The following GAREM1 variants were observed in gnomAD, a reference collection of about 807,000 sequenced individuals.
GAREM1 encodes GRB2-associated and regulator of MAPK protein 1.
A neutral mutation model predicts 71.3 loss-of-function variants in GAREM1; 26 were observed. The ratio of observed to expected loss-of-function variants is 0.36; its 90% CI spans 0.27 to 0.51. The LOEUF (loss-of-function observed/expected upper bound fraction) is 0.51, where lower values mean the gene tolerates loss of function less well. Among genes scored for constraint, GAREM1 ranks in the 20% least tolerant of loss-of-function variants. The pLI, the probability that GAREM1 is intolerant of heterozygous loss-of-function variation, is 0.95. For synonymous variants in GAREM1, 440 were observed against 433.2 expected, an observed-to-expected ratio of 1.02 and a Z score of -0.20; for missense variants, 1,026 against 1,103.1, an observed-to-expected ratio of 0.93 and a Z score of 0.99.
At chr18:32,344,661 C>A (rs547778718) in intron 2 of GAREM1, among the ~76,000 whole-genome samples, 2 of 152,210 alleles carry the variant, frequency 1.3e-5, no homozygotes, top group African/African-American at 4.8e-5. Context: ...GTACAAAAAA[C>A]AATTTTCAAA....
chr18:32,309,615 C>CAAAAAAAAAA (rs11370938), intron 3 of GAREM1, among the ~76,000 whole-genome samples: 9 of 13,862 alleles, frequency 6.5e-4, no homozygotes, highest in African/African-American at 9.0e-4. Context: ...GACTCAGTCT[C>CAAAAAAAAAA]AAAAAAAAAA....
intron 4 of GAREM1, among the ~76,000 whole-genome samples, chr18:32,282,053 C>T (rs1402347696): frequency 6.6e-6 from 1 of 152,108 alleles, no homozygotes; most frequent in East Asian, 1.9e-4. Flanking sequence ...AGAGGACAAC[C>T]CCCTTTTCCA....
intron 2 of GAREM1, among the ~76,000 whole-genome samples, chr18:32,344,087 G>C (rs966277387): frequency 3.0e-4 from 45 of 152,194 alleles, no homozygotes; most frequent in African/African-American, 1.0e-3. Context: ...AGGAAGTCTT[G>C]GAAATGCCCA....
At chr18:32,332,122 T>G (rs1256536312) in intron 2 of GAREM1, among the ~76,000 whole-genome samples, 1 of 151,730 alleles carries the variant, frequency 6.6e-6, no homozygotes, top group East Asian at 1.9e-4. Flanking sequence ...CCTCCCTTTT[T>G]GGAGTGCTAA....
chr18:32,343,584 A>G (rs2047668391), intron 2 of GAREM1, among the ~76,000 whole-genome samples: 1 of 152,172 alleles, frequency 6.6e-6, no homozygotes, highest in African/African-American at 2.4e-5. Context: ...TACAGGCATA[A>G]GCCACTGTGC....
intron 2 of GAREM1, among the ~76,000 whole-genome samples, chr18:32,313,909 G>A (rs1166580296): frequency 6.6e-6 from 1 of 152,070 alleles, no homozygotes; most frequent in Non-Finnish European, 1.5e-5. Context: ...GGTTTTGCTG[G>A]TGAGGGACCA....
chr18:32,440,888 A>G (rs1240771780), intron 1 of GAREM1, among the ~76,000 whole-genome samples: 23 of 152,360 alleles, frequency 1.5e-4, no homozygotes, highest in Admixed American at 1.4e-3. Context: ...TATTTCACAT[A>G]TACATTTTTG....
chr18:32,302,633 C>G (rs1180913044), intron 3 of GAREM1, among the ~76,000 whole-genome samples: 2 of 152,088 alleles, frequency 1.3e-5, no homozygotes, highest in African/African-American at 4.8e-5. Context: ...ACCACATGGT[C>G]TCATTTATAT....
chr18:32,381,217 T>C (rs887484326), intron 2 of GAREM1, among the ~76,000 whole-genome samples: 9 of 152,276 alleles, frequency 5.9e-5, no homozygotes, highest in African/African-American at 2.2e-4. Context: ...AAGGACATTC[T>C]TGCCATCTAG....
intron 2 of GAREM1, among the ~76,000 whole-genome samples, chr18:32,390,468 T>C (rs2048184995): frequency 6.6e-6 from 1 of 152,208 alleles, no homozygotes; most frequent in African/African-American, 2.4e-5. Flanking sequence ...CATGAACTAT[T>C]TGGTCCTATT....
intron 2 of GAREM1, among the ~76,000 whole-genome samples, chr18:32,350,587 A>G (rs1444275378): frequency 2.0e-5 from 3 of 152,124 alleles, no homozygotes; most frequent in Non-Finnish European, 4.4e-5. Flanking sequence ...TTCAGACTAA[A>G]AACAAGACCC....
chr18:32,373,776 AGTGGACCAGATCTACTGCCAATG>A (rs1203042558), intron 2 of GAREM1, among the ~76,000 whole-genome samples: 1 of 152,218 alleles, frequency 6.6e-6, no homozygotes, highest in African/African-American at 2.4e-5. Flanking sequence ...CCTGCTTTAG[AGTGGACCAGATCTACTGCCAATG>A]GTGTCAATGT....
chr18:32,272,815 G>T (rs1216946012), intron 4 of GAREM1, among the ~76,000 whole-genome samples: 1 of 152,166 alleles, frequency 6.6e-6, no homozygotes, highest in East Asian at 1.9e-4. Context: ...TAGAAAGGGG[G>T]TTTCGCCATG....
intron 1 of GAREM1, among the ~76,000 whole-genome samples, chr18:32,410,986 C>T (rs1189827574): frequency 6.6e-6 from 1 of 152,014 alleles, no homozygotes; most frequent in Non-Finnish European, 1.5e-5. Context: ...TATTTTTAGT[C>T]AAAATGGGGT....
intron 2 of GAREM1, among the ~76,000 whole-genome samples, chr18:32,340,641 A>G (rs2144573832): frequency 1.3e-5 from 2 of 152,314 alleles, no homozygotes; most frequent in African/African-American, 4.8e-5. Flanking sequence ...TGTAAAAGTA[A>G]AGTATGTTTA....
intron 1 of GAREM1, among the ~76,000 whole-genome samples, chr18:32,436,357 T>C (rs746730791): frequency 5.3e-5 from 8 of 152,114 alleles, no homozygotes; most frequent in Non-Finnish European, 1.2e-4. Flanking sequence ...TTAGCTCTAG[T>C]TTACCAGTTG....
rs745956073 is a variant in GAREM1, at chr18:32,268,715, T to C, written c.1787A>G (p.Tyr596Cys). 5.0e-6 allele frequency: 8 copies of C among 1,614,020 alleles called. No individual in the cohort carries two copies. The highest frequency in any genetic ancestry group is 4.5e-5 in the East Asian group (2 of 44,904). ...NPSESTPVSCYPCNRVKTDSV... is the reference protein window; with the variant it reads ...NPSESTPVSCCPCNRVKTDSV... ...ATCAGTTTTCACTCGGTTACATGGA[T>C]AGCAGGAAACAGGAGTGCTTTCAGA... Residue 596 changes from tyrosine (Y) to cysteine (C), a missense_variant, in exon 6 of 6, where the codon TAT becomes TGT. By Grantham distance (194) the Tyr-to-Cys change is radical (BLOSUM62 -2). Transcript: ENST00000269209.
At chr18:32,377,249 G>C (rs552688939) in intron 2 of GAREM1, among the ~76,000 whole-genome samples, 25 of 152,264 alleles carry the variant, frequency 1.6e-4, no homozygotes, top group Non-Finnish European at 2.9e-5. Flanking sequence ...TCTTATTCCT[G>C]ATTCTAATTG....
At chr18:32,348,461 C>T (rs562627106) in intron 2 of GAREM1, among the ~76,000 whole-genome samples, 1 of 152,028 alleles carries the variant, frequency 6.6e-6, no homozygotes, top group Non-Finnish European at 1.5e-5. Context: ...TGGTGGCTCA[C>T]ACCTGTAATC....
Sources: allele counts gnomAD v4.1 joint callset (sites outside exome capture counted in the v4.1 genomes callset), GRCh38; gene constraint gnomAD v4.1.1; transcripts MANE v1.5; gene names NCBI Gene and HGNC (gene_info 2026-07-23, HGNC 2026-07-21).